The following DDX24 variants were observed in gnomAD, a reference collection of about 807,000 sequenced individuals.
DDX24 encodes the protein DEAD-box helicase 24.
Under a neutral mutation model 68.9 loss-of-function variants are expected in DDX24, and 24 were observed. That is an observed-to-expected ratio of 0.35 (90% CI 0.25 to 0.49). The LOEUF is 0.49. Among genes scored for constraint, DDX24 ranks in the 20% least tolerant of loss-of-function variants. The pLI, the probability that DDX24 is intolerant of heterozygous loss-of-function variation, is 0.99. For missense variants in DDX24, 989 were observed against 1,039.0 expected (o/e 0.95, Z 0.66); for synonymous variants, 395 against 385.2 (o/e 1.03, Z -0.30).
intron 6 of DDX24, chr14:94,057,225 T>A (rs1221824125): frequency 6.6e-6 from 1 of 152,186 alleles, no homozygotes; most frequent in Non-Finnish European, 1.5e-5. Context: ...GTGCCCATAC[T>A]CCTAACCAAA....
chr14:94,068,833 G>A (rs945243876), intron 2 of DDX24, among the ~76,000 whole-genome samples: 6 of 152,022 alleles, frequency 3.9e-5, no homozygotes, highest in Admixed American at 6.6e-5. Context: ...ATGACACAAC[G>A]TATCAAAACC....
chr14:94,065,212 G>A (rs1051812879), intron 2 of DDX24, among the ~76,000 whole-genome samples: 1 of 151,742 alleles, frequency 6.6e-6, no homozygotes, highest in African/African-American at 2.4e-5. Context: ...CCACACCCAA[G>A]TAACTTTTGA....
Position 94,060,924 on chromosome 14 carries a change from A to G in DDX24, c.1386T>C (p.Leu462=). 6.2e-7 allele frequency: 1 copy of G among 1,614,204 alleles called. No homozygotes were observed. The highest frequency in any genetic ancestry group is 8.5e-7 in the Non-Finnish European group (1 of 1,180,026). The change falls in exon 4 of 9, where the codon CTT becomes CTC. Residue 462 remains leucine, a synonymous_variant. Transcript: ENST00000621632. ...IKEKHYHLRN[L]RQLRCLVVDE... ...GTGCCATCTATTACCTGAGCTGCCG[A>G]AGGTTCCTCAAATGATAATGCTTTT...
chr14:94,079,882 C>G, intron 1 of DDX24, 135 bp from the exon 2 acceptor site: 1 of 797,214 alleles, frequency 1.3e-6, no homozygotes, highest in Non-Finnish European at 2.0e-6. Context: ...GTTGCTCCCA[C>G]CTAGAGAAGA....
intron 4 of DDX24, 56 bp downstream of exon 4, chr14:94,060,857 C>A: frequency 6.2e-7 from 1 of 1,601,224 alleles, no homozygotes; most frequent in East Asian, 2.2e-5. Context: ...ACCATGTCAC[C>A]TAAGGCTCAT....
At position 94,079,699 on chromosome 14, in the gene DDX24, C is replaced by G; in HGVS notation, c.44G>C (p.Cys15Ser). Residue 15 changes from cysteine (C) to serine (S), a missense_variant, in exon 2 of 9, where the codon TGT (cysteine) becomes TCT (serine). Around this residue, in one of 3 missense-constraint regions of DDX24, gnomAD observed 295 missense variants for 263.0 expected, o/e 1.12. Transcript: ENST00000621632. ...GATTCCCTTTGTCTGAAATTTGCCACAGCTTGACTGCTTTGGCCTTGATTT... is the reference window on the plus strand; with the variant it reads ...GATTCCCTTTGTCTGAAATTTGCCAGAGCTTGACTGCTTTGGCCTTGATTT... ...DTKSRPKQSSCGKFQTKGIKV... is the reference protein window; with the variant it reads ...DTKSRPKQSSSGKFQTKGIKV... The G allele has an allele frequency of 6.2e-7, 1 of 1,614,134 alleles. No individual in the cohort carries two copies. Among genetic ancestry groups the G allele is most frequent in the Non-Finnish European group, 8.5e-7 (1 of 1,180,024 alleles).
At chr14:94,054,704 G>C (rs761670833) in intron 7 of DDX24, among the ~76,000 whole-genome samples, 1 of 152,198 alleles carries the variant, frequency 6.6e-6, no homozygotes, top group Non-Finnish European at 1.5e-5. Flanking sequence ...CCTCTGACAG[G>C]ATATCCAGAC....
chr14:94,051,406 T>C lies in DDX24; in HGVS notation c.2365A>G (p.Lys789Glu). ...RRRQKQMKVLKKELRHLLSQP... is the reference protein window; with the variant it reads ...RRRQKQMKVLEKELRHLLSQP... ...GACAGCAGGTGGCGCAGCTCCTTCT[T>C]CAGAACCTTCATCTGCTTTTGTCTC... Residue 789 changes from lysine (K) to glutamate (E), a missense_variant, in exon 9 of 9, where the codon AAG becomes GAG. Coordinates refer to ENST00000621632, the MANE Select transcript of DDX24 (RefSeq NM_020414.4). 6.3e-7 allele frequency: 1 copy of C among 1,599,070 alleles called. No individual in the cohort carries two copies. Among genetic ancestry groups the C allele is most frequent in the Non-Finnish European group, 8.5e-7 (1 of 1,174,314 alleles).
rs34711184 is a variant in DDX24 at position 94,050,885 on chromosome 14, TAA to T, written c.*304_*305del. ...TACACCACCACCCCCATCTTCTATC[TAA>T]AAAAAAAAAAAAAAAATCAGGATGA... On this transcript the variant is annotated 3_prime_UTR_variant, in exon 9 of 9. Coordinates refer to ENST00000621632, the MANE Select transcript of DDX24 (RefSeq NM_020414.4). The T allele has an allele frequency of 0.021, 4,752 of 223,038 alleles. No homozygotes were observed. The highest frequency in any genetic ancestry group is 0.03 in the East Asian group (349 of 11,730). The allele number at this position is 223,038 out of a possible 1,614,324, so 13.8% of individuals were successfully genotyped here. A position where few individuals can be genotyped will look rare whatever the true frequency, so the allele number is the denominator to read the frequency against.
chr14:94,050,969 G>A lies in DDX24; in HGVS notation c.*222C>T. 1 of 415,168 alleles carries A rather than the reference G, an allele frequency of 2.4e-6. No individual in the cohort carries two copies. The highest frequency in any genetic ancestry group is 4.2e-6 in the Non-Finnish European group (1 of 238,676). 25.7% of individuals were successfully genotyped at this position (415,168 alleles called of 1,614,324 possible). A position where few individuals can be genotyped will look rare whatever the true frequency, so the allele number is the denominator to read the frequency against. Reference sequence around the variant, plus strand: ...TGAAATCAAGTTTAACACACAAGAAGCCTATAAACACTGCAATACAGAAAA... The same window carrying A: ...TGAAATCAAGTTTAACACACAAGAAACCTATAAACACTGCAATACAGAAAA... On this transcript the variant is annotated 3_prime_UTR_variant, in exon 9 of 9. Transcript: ENST00000621632.
chr14:94,060,028 C>T (rs1885561870), intron 5 of DDX24, 70 bp downstream of exon 5: 1 of 1,508,850 alleles, frequency 6.6e-7, no homozygotes, highest in Admixed American at 2.2e-5. Flanking sequence ...TACCATTTCC[C>T]CACCATCCTG....
chr14:94,051,530 G>C (rs1885389012), intron 8 of DDX24, 68 bp from the exon 9 acceptor site: 3 of 1,486,584 alleles, frequency 2.0e-6, no homozygotes, highest in Admixed American at 5.1e-5. Context: ...TCCCTTGATG[G>C]GTAACACAGT....
At chr14:94,080,488 G>C (rs1232556533) in intron 1 of DDX24, among the ~76,000 whole-genome samples, 1 of 152,056 alleles carries the variant, frequency 6.6e-6, no homozygotes, top group African/African-American at 2.4e-5. Context: ...TCCACCACTT[G>C]TCAGCTGTGG....
chr14:94,060,783 A>G (rs541504887), intron 4 of DDX24, 130 bp downstream of exon 4: 81 of 1,479,732 alleles, frequency 5.5e-5, no homozygotes, highest in Non-Finnish European at 6.9e-5. Flanking sequence ...TTGGCTTTCT[A>G]AAGGCCAGGG....
At chr14:94,080,866 C>T (rs1425175753) in intron 1 of DDX24, among the ~76,000 whole-genome samples, 1 of 152,198 alleles carries the variant, frequency 6.6e-6, no homozygotes, top group Non-Finnish European at 1.5e-5. Flanking sequence ...CGCTTTGTCT[C>T]AGGCACGAAC....
chr14:94,078,149 C>T lies in DDX24; in HGVS notation c.718+876G>A, dbSNP rs1296900058. On this transcript the variant is annotated intron_variant, in intron 2 of 8. Coordinates refer to ENST00000621632, the MANE Select transcript of DDX24 (RefSeq NM_020414.4). ...TGTTGTATGAGATATTATAAGTAAT[C>T]GAGAGATGATTTAAAATATACAGGA... 6.6e-5 allele frequency among the ~76,000 whole-genome samples: 10 copies of T among 151,912 alleles called. 1 individual carries two copies. The highest frequency in any genetic ancestry group is 4.1e-4 in the South Asian group (2 of 4,822).
At chr14:94,075,198 A>G (rs964750788) in intron 2 of DDX24, among the ~76,000 whole-genome samples, 1 of 152,222 alleles carries the variant, frequency 6.6e-6, no homozygotes, top group Non-Finnish European at 1.5e-5. Context: ...ACAACAGTCA[A>G]AATAACTTTT....
intron 8 of DDX24, among the ~76,000 whole-genome samples, chr14:94,052,759 A>G (rs572138190): frequency 1.5e-3 from 230 of 152,220 alleles, no homozygotes; most frequent in Non-Finnish European, 2.3e-3. Flanking sequence ...TCCCTTCCTC[A>G]CTGTACTCCA....
At chr14:94,062,980 T>C (rs1464134527) in intron 2 of DDX24, among the ~76,000 whole-genome samples, 1 of 152,186 alleles carries the variant, frequency 6.6e-6, no homozygotes, top group Non-Finnish European at 1.5e-5. Context: ...TTTTCTTTGG[T>C]GAGAAAGGAG....
Sources: gnomAD v4.1 joint callset for allele counts (sites outside exome capture counted in the v4.1 genomes callset) on GRCh38, gnomAD v4.1.1 for gene constraint, gnomAD v4.1.1 regional missense constraint, MANE v1.5 for transcripts, NCBI Gene and HGNC (gene_info 2026-07-23, HGNC 2026-07-21) for gene names.